Variants in NSD2 observed in about 807,000 individuals in gnomAD.
The protein encoded by NSD2 is nuclear receptor binding SET domain protein 2, also known as histone-lysine N-methyltransferase NSD2.
In NSD2, 12 loss-of-function variants were observed where a neutral mutation model predicts 139.0. The observed-to-expected ratio is 0.09, with a 90% confidence interval of 0.06 to 0.14. NSD2 has a LOEUF of 0.14. Ranked by LOEUF, NSD2 falls within the 10% of genes least tolerant of loss-of-function variation. NSD2 has a pLI of 1.00. For synonymous variants in NSD2, 669 were observed against 648.7 expected (o/e 1.03, Z -0.48); for missense variants, 1,155 against 1,745.0 (o/e 0.66, Z 6.02).
In NSD2 at chr4:1,979,739, T is replaced by C. The variant is rs1404937398; in HGVS notation, c.*830T>C. 4.3e-6 allele frequency: 1 copy of C among 232,238 alleles called. No homozygotes were observed. Among genetic ancestry groups the C allele is most frequent in the Non-Finnish European group, 8.5e-6 (1 of 117,460 alleles). The allele number at this position is 232,238 out of a possible 1,614,324, so 14.4% of individuals were successfully genotyped here. ...TATATTTTTTTCATTTGGCTTTTCT[T>C]TACCAGTTTCTGATTTTTATTCTCA... On this transcript the variant is annotated 3_prime_UTR_variant, in exon 22 of 22. Coordinates refer to ENST00000508803, the MANE Select transcript of NSD2 (RefSeq NM_001042424.3).
chr4:1,937,353 C>G (rs1722523709), intron 7 of NSD2, among the ~76,000 whole-genome samples: 1 of 152,174 alleles, frequency 6.6e-6, no homozygotes, highest in Non-Finnish European at 1.5e-5. Context: ...TGCGGCTGGC[C>G]AGGTTACCTT....
chr4:1,919,113 C>A (rs1351940339), intron 5 of NSD2: 1 of 146,750 alleles, frequency 6.8e-6, no homozygotes, highest in Non-Finnish European at 1.5e-5. Context: ...TGCAGTGAGT[C>A]GTGATGGCAT....
At position 1,951,167 on chromosome 4, in the gene NSD2, G is replaced by A; in HGVS notation, c.1977G>A (p.Glu659=). Residue 659 remains glutamate (E), a synonymous_variant, in exon 10 of 22, where the codon GAG becomes GAA. Coordinates refer to ENST00000508803, the MANE Select transcript of NSD2 (RefSeq NM_001042424.3). ...TEVSVSSKKS[E]RGVTAKKEYV... ...TATCTGTCTCATCCAAAAAGTCTGA[G>A]CGAGGAGTGACTGCCAAAAAGGAGT... 1.2e-6 allele frequency: 2 copies of A among 1,614,226 alleles called. No individual in the cohort carries two copies. Among genetic ancestry groups the A allele is most frequent in the South Asian group, 1.1e-5 (1 of 91,090 alleles).
chr4:1,959,007 T>C (rs1725104924), intron 16 of NSD2, among the ~76,000 whole-genome samples: 1 of 152,212 alleles, frequency 6.6e-6, no homozygotes, highest in South Asian at 2.1e-4. Flanking sequence ...CCCTCCTGCC[T>C]AGCACTGCTC....
In NSD2 at chr4:1,974,417, T is replaced by G. The variant is rs1183170334; in HGVS notation, c.3373-446T>G. ...TTAGTAGAGATGGGGGTTCACCATG[T>G]TGGCTAGTCTGGTCTCAAATTCCTG... On this transcript the variant is annotated intron_variant, in intron 18 of 21. Coordinates refer to ENST00000508803, the MANE Select transcript of NSD2 (RefSeq NM_001042424.3). This position sits in a 1 kb window ranked among gnomAD's most constrained non-coding sequence, Gnocchi z 4.0. 6.6e-6 allele frequency among the ~76,000 whole-genome samples: 1 copy of G among 152,206 alleles called. No homozygotes were observed.
chr4:1,879,044 G>A (rs541266839), intron 1 of NSD2, among the ~76,000 whole-genome samples: 7 of 152,052 alleles, frequency 4.6e-5, no homozygotes, highest in Non-Finnish European at 7.4e-5. Context: ...CCTTCCAGAA[G>A]GAAGCTCTGA....
chr4:1,898,926 A>G (rs575214548), intron 1 of NSD2, among the ~76,000 whole-genome samples: 1 of 152,102 alleles, frequency 6.6e-6, no homozygotes, highest in South Asian at 2.1e-4. Flanking sequence ...CTTTCTTTCA[A>G]CAGTTGGTTC....
In NSD2 at chr4:1,974,213, G is replaced by A. The variant is rs1426971817; in HGVS notation, c.3373-650G>A. Among the ~76,000 whole-genome samples the A allele has an allele frequency of 6.6e-6, 1 of 151,136 alleles. No homozygotes were observed. Among genetic ancestry groups the A allele is most frequent in the African/African-American group, 2.4e-5 (1 of 40,928 alleles). ...CCTTTGCTGGTTTTCGGTTGGGTGA[G>A]TCTTTTTTTTTTTTGAGACGGAGTT... is the stretch of plus-strand genomic sequence containing the variant. On this transcript the variant is annotated intron_variant, in intron 18 of 21. Transcript: ENST00000508803. The surrounding 1 kb of genome is among the most constrained non-coding windows in gnomAD (Gnocchi z 4.0).
chr4:1,917,773 G>C (rs1018453283), intron 4 of NSD2, among the ~76,000 whole-genome samples: 50 of 146,918 alleles, frequency 3.4e-4, no homozygotes, highest in African/African-American at 1.2e-3. Context: ...AAATGTAAAA[G>C]TATTCTTTTT....
chr4:1,888,174 A>G (rs552381985), intron 1 of NSD2, among the ~76,000 whole-genome samples: 1 of 152,216 alleles, frequency 6.6e-6, no homozygotes, highest in Non-Finnish European at 1.5e-5. Context: ...GCACTTTGGG[A>G]GGCTGAGGTG....
intron 9 of NSD2, chr4:1,940,154 G>T: frequency 1.8e-6 from 2 of 1,128,472 alleles, no homozygotes; most frequent in South Asian, 6.7e-5. Flanking sequence ...TGTCAGTTGA[G>T]CTGACATATA....
intron 1 of NSD2, among the ~76,000 whole-genome samples, chr4:1,876,310 A>G (rs996436294): frequency 2.6e-5 from 4 of 152,128 alleles, no homozygotes; most frequent in African/African-American, 9.7e-5. Flanking sequence ...AAAGCATTTT[A>G]CTTTCTGTAA....
Position 1,912,621 on chromosome 4 carries a change from C to G in NSD2, c.761-4250C>G, listed in dbSNP as rs1197232941. 2.0e-5 allele frequency among the ~76,000 whole-genome samples: 3 copies of G among 151,228 alleles called. No homozygotes were observed. The East Asian group carries it at 5.8e-4, about 29-fold the overall frequency. ...TTATATATTTATATAGTTATTTTTTCTCCTTAAAAAAAAATGAAAACCTGG... is the reference window on the plus strand; with the variant it reads ...TTATATATTTATATAGTTATTTTTTGTCCTTAAAAAAAAATGAAAACCTGG... On this transcript the variant is annotated intron_variant, in intron 3 of 21. Coordinates refer to ENST00000508803, the MANE Select transcript of NSD2 (RefSeq NM_001042424.3).
At chr4:1,962,971 C>G (rs1725518777) in intron 18 of NSD2, among the ~76,000 whole-genome samples, 1 of 152,198 alleles carries the variant, frequency 6.6e-6, no homozygotes, top group African/African-American at 2.4e-5. Flanking sequence ...TCTCAGGGCC[C>G]TGTCAACACA....
At chr4:1,935,459 C>T (rs977800887) in intron 7 of NSD2, among the ~76,000 whole-genome samples, 197 bp downstream of exon 7, 5 of 152,188 alleles carry the variant, frequency 3.3e-5, no homozygotes, top group Non-Finnish European at 2.9e-5. Context: ...TCTTACCCTC[C>T]AGGGGTGTTA....
intron 1 of NSD2, among the ~76,000 whole-genome samples, chr4:1,889,339 A>G (rs1034971004): frequency 1.3e-5 from 2 of 151,896 alleles, no homozygotes; most frequent in Non-Finnish European, 2.9e-5. Context: ...GACTACAGGC[A>G]TGCGCTTCCA....
At chr4:1,877,852 C>G (rs116664822) in intron 1 of NSD2, among the ~76,000 whole-genome samples, 1,808 of 152,162 alleles carry the variant, frequency 0.012, 38 homozygotes, top group African/African-American at 0.041. Flanking sequence ...GGCACCTTCT[C>G]TGACCACTGA....
At chr4:1,966,048 G>A (rs1725852790) in intron 18 of NSD2, among the ~76,000 whole-genome samples, 2 of 152,050 alleles carry the variant, frequency 1.3e-5, no homozygotes, top group East Asian at 1.9e-4. Flanking sequence ...GTGGGCCAAT[G>A]CTAAAAGAAG....
At chr4:1,871,969 C>A (rs1713813250) in intron 1 of NSD2, among the ~76,000 whole-genome samples, 1 of 149,410 alleles carries the variant, frequency 6.7e-6, no homozygotes, top group African/African-American at 2.4e-5. Context: ...TCCCGCGGCG[C>A]CGAGCGGGTC....
Sources: allele counts gnomAD v4.1 joint callset (sites outside exome capture counted in the v4.1 genomes callset), GRCh38; gene constraint gnomAD v4.1.1; non-coding constraint Gnocchi (gnomAD v3.1); transcripts MANE v1.5; gene names NCBI Gene and HGNC (gene_info 2026-07-23, HGNC 2026-07-21).